ZNF493: variants seen among roughly 807,000 people sequenced by gnomAD.
ZNF493 encodes the protein zinc finger protein 493.
Under a neutral mutation model 12.2 loss-of-function variants are expected in ZNF493, and 11 were observed. The ratio of observed to expected loss-of-function variants is 0.90; its 90% CI spans 0.57 to 1.50. ZNF493 has a LOEUF of 1.50. ZNF493 is among the 40% of genes most tolerant of loss of function. ZNF493 has a pLI of 0.00. For missense variants in ZNF493, 950 were observed against 906.6 expected, an observed-to-expected ratio of 1.05 and a Z score of -0.61; for synonymous variants, 286 against 302.6, an observed-to-expected ratio of 0.95 and a Z score of 0.57.
intron 3 of ZNF493, chr19:21,407,729 G>T (rs935226427): frequency 7.5e-5 from 73 of 979,126 alleles, no homozygotes; most frequent in Admixed American, 1.2e-4. Context: ...AATGTACTGT[G>T]GTTTTTTATG....
chr19:21,406,874 C>T (rs886092742), intron 3 of ZNF493, among the ~76,000 whole-genome samples: 2 of 151,898 alleles, frequency 1.3e-5, no homozygotes, highest in African/African-American at 4.8e-5. Flanking sequence ...CTATAGATTA[C>T]TTTGGAGAAT....
At chr19:21,409,580 C>CA (rs2145280813) in intron 3 of ZNF493, among the ~76,000 whole-genome samples, 1 of 152,074 alleles carries the variant, frequency 6.6e-6, no homozygotes, top group Admixed American at 6.6e-5. Flanking sequence ...TCTCTCTTTA[C>CA]AAAAATTTTT....
chr19:21,414,888 C>T (rs2145292003), intron 3 of ZNF493, among the ~76,000 whole-genome samples: 1 of 152,250 alleles, frequency 6.6e-6, no homozygotes, highest in South Asian at 2.1e-4. Flanking sequence ...AAAACTGAAA[C>T]AGTTTTGTTT....
chr19:21,419,435 G>A (rs1189548141), intron 3 of ZNF493, among the ~76,000 whole-genome samples: 1 of 152,150 alleles, frequency 6.6e-6, no homozygotes, highest in Non-Finnish European at 1.5e-5. Flanking sequence ...CCCACAACAG[G>A]CCGTCTGCAA....
chr19:21,418,818 T>C (rs1419185858), intron 3 of ZNF493, among the ~76,000 whole-genome samples: 1 of 152,222 alleles, frequency 6.6e-6, no homozygotes, highest in East Asian at 1.9e-4. Context: ...AGCATGCTTT[T>C]TTTTGTGGTT....
intron 3 of ZNF493, chr19:21,407,805 A>G (rs1234315561): frequency 9.1e-6 from 9 of 985,224 alleles, no homozygotes; most frequent in African/African-American, 1.7e-5. Context: ...AATGGCTTTA[A>G]AAAGAATTCT....
At chr19:21,401,334 TCTC>T (rs2029937055) in intron 1 of ZNF493, among the ~76,000 whole-genome samples, 1 of 152,180 alleles carries the variant, frequency 6.6e-6, no homozygotes, top group Admixed American at 6.5e-5. Flanking sequence ...TTTTTGATGT[TCTC>T]CTGGATTTGG....
chr19:21,421,064 G>A (rs2030663413), intron 3 of ZNF493, among the ~76,000 whole-genome samples: 1 of 151,924 alleles, frequency 6.6e-6, no homozygotes, highest in Non-Finnish European at 1.5e-5. Context: ...TCACTTTTAT[G>A]TTGCAGCTCC....
intron 3 of ZNF493, among the ~76,000 whole-genome samples, chr19:21,419,797 G>C (rs1402509005): frequency 6.6e-6 from 1 of 152,182 alleles, no homozygotes; most frequent in Non-Finnish European, 1.5e-5. Flanking sequence ...TGAGGGAAGT[G>C]AGGGTTTATT....
chr19:21,423,680 A>T lies in ZNF493; in HGVS notation c.1021A>T (p.Ile341Leu), dbSNP rs1437782025. The change falls in exon 4 of 4, where the codon ATA becomes TTA. Residue 341 changes from isoleucine to leucine, a missense_variant. Ile to Leu is a conservative substitution (Grantham distance 5). Transcript: ENST00000392288. ...TTTCTCAACCCCTACTAAACATAAGATAATTCACACTGAAGAGAAATCCCA... is the reference window on the plus strand; with the variant it reads ...TTTCTCAACCCCTACTAAACATAAGTTAATTCACACTGAAGAGAAATCCCA... ...SIFSTPTKHK[I>L]IHTEEKSHRC... 8.7e-6 allele frequency: 14 copies of T among 1,613,794 alleles called. No individual in the cohort carries two copies. The highest frequency in any genetic ancestry group is 1.2e-5 in the Non-Finnish European group (14 of 1,179,836).
intron 3 of ZNF493, chr19:21,413,120 G>A: frequency 3.4e-6 from 1 of 298,094 alleles, no homozygotes; most frequent in South Asian, 2.9e-5. Flanking sequence ...GGGAATCATT[G>A]TGCAGCACCT....
intron 1 of ZNF493, among the ~76,000 whole-genome samples, chr19:21,399,165 ATTTTTTT>A (rs1401065066): frequency 2.6e-5 from 4 of 151,576 alleles, no homozygotes; most frequent in South Asian, 2.1e-4. Flanking sequence ...TTTATTTTTT[ATTTTTTT>A]ATTTTTATTT....
chr19:21,423,592 T>G lies in ZNF493; in HGVS notation c.933T>G (p.His311Gln), dbSNP rs2030752481. The G allele has an allele frequency of 1.2e-6, 2 of 1,609,484 alleles. No individual in the cohort carries two copies. Among genetic ancestry groups the G allele is most frequent in the South Asian group, 2.2e-5 (2 of 91,040 alleles). Residue 311 changes from histidine to glutamine, a missense_variant, in exon 4 of 4, where the codon CAT becomes CAG. His to Gln is a conservative substitution (Grantham distance 24). Coordinates refer to ENST00000392288, the MANE Select transcript of ZNF493 (RefSeq NM_001076678.3). Reference sequence around the variant, plus strand: ...ACCAATCTTCAACCCTTACTGGACATAAGATAATTCATAATGGAGAAAAAC... The same window carrying G: ...ACCAATCTTCAACCCTTACTGGACAGAAGATAATTCATAATGGAGAAAAAC... ...TFNQSSTLTGHKIIHNGEKPY... is the reference protein window; with the variant it reads ...TFNQSSTLTGQKIIHNGEKPY...
Position 21,424,886 on chromosome 19 carries a change from T to G in ZNF493, c.2227T>G (p.Cys743Gly), listed in dbSNP as rs1410610939. ...TCATACTGGAGACAAACCCTACAAA[T>G]GTGAAGCATGTGGCAAAGCTTTTAG... Reference protein sequence around the residue: ...LIHTGDKPYKCEACGKAFRRS... With the variant: ...LIHTGDKPYKGEACGKAFRRS... Residue 743 changes from cysteine to glycine, a missense_variant, in exon 4 of 4, where the codon TGT becomes GGT. Transcript: ENST00000392288. 3.1e-6 allele frequency: 5 copies of G among 1,613,410 alleles called. No individual in the cohort carries two copies. In the South Asian group the frequency reaches 4.4e-5, roughly 14 times the overall value.
At chr19:21,397,443 A>G in intron 1 of ZNF493, 176 bp downstream of exon 1, 2 of 787,278 alleles carry the variant, frequency 2.5e-6, no homozygotes, top group Non-Finnish European at 4.3e-6. Context: ...GGCTGCGCCA[A>G]CAGCCGGGGC....
At chr19:21,407,822 A>G in intron 3 of ZNF493, 3 of 985,286 alleles carry the variant, frequency 3.0e-6, no homozygotes, top group South Asian at 4.7e-5. Flanking sequence ...TTCTTTTTTC[A>G]TTATTCTGCC....
Position 21,400,496 on chromosome 19 carries a change from A to C in ZNF493, c.30+3229A>C, listed in dbSNP as rs558525213. On this transcript the variant is annotated intron_variant, in intron 1 of 3. Coordinates refer to ENST00000392288, the MANE Select transcript of ZNF493 (RefSeq NM_001076678.3). ...ATTTTGCTGAATTTTTTAAATACTTAATTTCAAAAACCAAGTGAGTAACTC... is the reference window on the plus strand; with the variant it reads ...ATTTTGCTGAATTTTTTAAATACTTCATTTCAAAAACCAAGTGAGTAACTC... 4.8e-4 allele frequency among the ~76,000 whole-genome samples: 73 copies of C among 152,282 alleles called. No individual in the cohort carries two copies. The South Asian group carries it at 0.015, about 32-fold the overall frequency.
chr19:21,404,525 T>A (rs2030050641), intron 1 of ZNF493, among the ~76,000 whole-genome samples: 1 of 152,310 alleles, frequency 6.6e-6, no homozygotes. Context: ...CTTTGTTAGG[T>A]TTTCCTTGCA....
intron 3 of ZNF493, among the ~76,000 whole-genome samples, chr19:21,417,136 T>C (rs944636886): frequency 8.5e-5 from 13 of 152,318 alleles, no homozygotes; most frequent in African/African-American, 2.9e-4. Flanking sequence ...AGAGTGGCAC[T>C]GATTAGCCCA....
Sources: gnomAD v4.1 joint callset for allele counts (sites outside exome capture counted in the v4.1 genomes callset) on GRCh38, gnomAD v4.1.1 for gene constraint, MANE v1.5 for transcripts, NCBI Gene and HGNC (gene_info 2026-07-23, HGNC 2026-07-21) for gene names.